The following JAM3 variants were observed in gnomAD, a reference collection of about 807,000 sequenced individuals.
The protein encoded by JAM3 is junctional adhesion molecule 3.
Under a neutral mutation model 39.4 loss-of-function variants are expected in JAM3, and 31 were observed. The observed-to-expected ratio is 0.79, with a 90% confidence interval of 0.59 to 1.06. The LOEUF (loss-of-function observed/expected upper bound fraction) is 1.06, where lower values mean the gene tolerates loss of function less well. Among genes scored for constraint, JAM3 ranks in the 50% least tolerant of loss-of-function variants. The pLI is 0.00. For missense variants in JAM3, 455 were observed against 391.4 expected, an observed-to-expected ratio of 1.16 and a Z score of -1.37; for synonymous variants, 182 against 148.7, an observed-to-expected ratio of 1.22 and a Z score of -1.63.
chr11:134,144,614 A>G (rs1177061648), intron 4 of JAM3, among the ~76,000 whole-genome samples, 178 bp from the exon 5 acceptor site: 2 of 152,178 alleles, frequency 1.3e-5, no homozygotes, highest in Admixed American at 6.5e-5. Flanking sequence ...GCGCTTTAAC[A>G]TATGGGAGGG....
At chr11:134,090,829 A>G (rs1352127235) in intron 1 of JAM3, among the ~76,000 whole-genome samples, 3 of 152,208 alleles carry the variant, frequency 2.0e-5, no homozygotes, top group Non-Finnish European at 4.4e-5. Context: ...CTCAGGTATA[A>G]TTGACTTGTT....
intron 1 of JAM3, among the ~76,000 whole-genome samples, chr11:134,137,569 C>T (rs1156302871): frequency 6.6e-6 from 1 of 152,220 alleles, no homozygotes; most frequent in Non-Finnish European, 1.5e-5. Context: ...TGGTCATAGT[C>T]CCTTAGAGCC....
At chr11:134,106,775 C>A (rs930871295) in intron 1 of JAM3, among the ~76,000 whole-genome samples, 2 of 152,204 alleles carry the variant, frequency 1.3e-5, no homozygotes, top group Non-Finnish European at 2.9e-5. Context: ...ATCAAAACCA[C>A]AATGAGATAC....
At chr11:134,147,223 G>A (rs1037552054) in intron 6 of JAM3, among the ~76,000 whole-genome samples, 2 of 151,944 alleles carry the variant, frequency 1.3e-5, no homozygotes, top group Non-Finnish European at 2.9e-5. Flanking sequence ...GGAGGCTGAG[G>A]CGGGTGGATC....
chr11:134,128,336 ATGTCATTGAACAAAATACTTAACAGCCTT>A (rs1282209568), intron 1 of JAM3, among the ~76,000 whole-genome samples: 1 of 152,254 alleles, frequency 6.6e-6, no homozygotes, highest in African/African-American at 2.4e-5. Context: ...CTGGGATTAA[ATGTCATTGAACAAAATACTTAACAGCCTT>A]TGTCAACTGT....
intron 1 of JAM3, among the ~76,000 whole-genome samples, chr11:134,133,392 T>A (rs1429590241): frequency 6.6e-6 from 1 of 152,186 alleles, no homozygotes; most frequent in South Asian, 2.1e-4. Flanking sequence ...GAAAAACTTT[T>A]GAGTCTTTCA....
intron 1 of JAM3, among the ~76,000 whole-genome samples, chr11:134,113,341 G>A (rs530749529): frequency 2.6e-4 from 39 of 151,896 alleles, no homozygotes; most frequent in Non-Finnish European, 4.4e-4. Context: ...AACCCTCCCC[G>A]CTTCCCCTAC....
Position 134,149,448 on chromosome 11 carries a change from G to C in JAM3, c.*267G>C. On this transcript the variant is annotated 3_prime_UTR_variant, in exon 9 of 9. Coordinates refer to ENST00000299106, the MANE Select transcript of JAM3 (RefSeq NM_032801.5). ...TGAGTTGGGTTCCTAATCTGTTTCT[G>C]GCCTGATTCCCGCATGAGTATTAGG... The C allele has an allele frequency of 1.7e-6, 1 of 591,152 alleles. No homozygotes were observed. The highest frequency in any genetic ancestry group is 3.0e-6 in the Non-Finnish European group (1 of 329,204). 36.6% of individuals were successfully genotyped at this position (591,152 alleles called of 1,614,324 possible).
intron 1 of JAM3, among the ~76,000 whole-genome samples, chr11:134,089,524 G>A (rs562580371): frequency 6.6e-6 from 1 of 151,994 alleles, no homozygotes; most frequent in African/African-American, 2.4e-5. Context: ...TGTTCTCATT[G>A]TTCAATTCCC....
At position 134,069,106 on chromosome 11, in the gene JAM3, G is replaced by A; in HGVS notation, c.23G>A (p.Arg8Gln). 1 of 1,612,164 alleles carries A rather than the reference G, an allele frequency of 6.2e-7. No individual in the cohort carries two copies. The highest frequency in any genetic ancestry group is 1.7e-5 in the Admixed American group (1 of 59,960). The change falls in exon 1 of 9, where the codon CGA becomes CAA. Residue 8 changes from arginine (R) to glutamine (Q), a missense_variant. Coordinates refer to ENST00000299106, the MANE Select transcript of JAM3 (RefSeq NM_032801.5). ...GACATGGCGCTGAGGCGGCCACCGCGACTCCGGCTCTGCGCTCGGCTGCCT... is the reference window on the plus strand; with the variant it reads ...GACATGGCGCTGAGGCGGCCACCGCAACTCCGGCTCTGCGCTCGGCTGCCT... MALRRPP[R>Q]LRLCARLPDF...
chr11:134,139,945 T>C (rs1165997580), intron 2 of JAM3, 29 bp downstream of exon 2: 2 of 1,541,346 alleles, frequency 1.3e-6, no homozygotes, highest in Non-Finnish European at 9.0e-7. Flanking sequence ...CCTAGGATAA[T>C]GGGCACCATC....
intron 1 of JAM3, among the ~76,000 whole-genome samples, chr11:134,121,687 CTTTAA>C (rs1003853065): frequency 1.4e-4 from 21 of 152,216 alleles, no homozygotes; most frequent in African/African-American, 2.6e-4. Flanking sequence ...TAACATTAGT[CTTTAA>C]TTTAAAAGAA....
chr11:134,137,042 G>A (rs539425826), intron 1 of JAM3, among the ~76,000 whole-genome samples: 1 of 152,076 alleles, frequency 6.6e-6, no homozygotes, highest in African/African-American at 2.4e-5. Flanking sequence ...GAACCCAAGA[G>A]GCGGAGCTTG....
At chr11:134,107,947 A>G (rs1265267631) in intron 1 of JAM3, among the ~76,000 whole-genome samples, 1 of 152,106 alleles carries the variant, frequency 6.6e-6, no homozygotes, top group East Asian at 1.9e-4. Flanking sequence ...GAAGATAATA[A>G]AGGTAAAAGC....
chr11:134,122,021 G>A (rs1942543496), intron 1 of JAM3, among the ~76,000 whole-genome samples: 1 of 152,124 alleles, frequency 6.6e-6, no homozygotes, highest in Non-Finnish European at 1.5e-5. Flanking sequence ...GAGAATTTTG[G>A]ATATACCATT....
chr11:134,140,968 G>A (rs770247945), intron 3 of JAM3, among the ~76,000 whole-genome samples, 198 bp downstream of exon 3: 2 of 151,596 alleles, frequency 1.3e-5, no homozygotes, highest in African/African-American at 2.4e-5. Flanking sequence ...AAGCCTCCCT[G>A]TCCCTGTCCC....
chr11:134,138,054 TGA>T (rs1369766356), intron 1 of JAM3, among the ~76,000 whole-genome samples: 3 of 108,624 alleles, frequency 2.8e-5, no homozygotes, highest in Non-Finnish European at 5.4e-5. Flanking sequence ...GTGCTCATAC[TGA>T]GAGAAATGTT....
At chr11:134,140,528 G>T in intron 2 of JAM3, 129 bp from the exon 3 acceptor site, 2 of 759,144 alleles carry the variant, frequency 2.6e-6, no homozygotes, top group South Asian at 1.4e-5. Context: ...GTCTCTTGGA[G>T]TGTGGAGTTG....
intron 1 of JAM3, among the ~76,000 whole-genome samples, chr11:134,117,266 A>G (rs533341520): frequency 1.6e-3 from 247 of 152,204 alleles, no homozygotes; most frequent in Non-Finnish European, 2.7e-3. Context: ...AATCCCAGCT[A>G]CTCAGGAGGC....
Sources: allele counts gnomAD v4.1 joint callset (sites outside exome capture counted in the v4.1 genomes callset), GRCh38; gene constraint gnomAD v4.1.1; transcripts MANE v1.5; gene names NCBI Gene and HGNC (gene_info 2026-07-23, HGNC 2026-07-21).